The following SPRED1 variants were observed in gnomAD, a reference collection of about 807,000 sequenced individuals.
SPRED1 encodes sprouty related EVH1 domain containing 1, also known as sprouty-related, EVH1 domain-containing protein 1.
Under a neutral mutation model 52.3 loss-of-function variants are expected in SPRED1, and 18 were observed. That is an observed-to-expected ratio of 0.34 (90% CI 0.24 to 0.51). The LOEUF is 0.51. Ranked by LOEUF, SPRED1 falls within the 20% of genes least tolerant of loss-of-function variation. SPRED1 has a pLI of 0.97. For missense variants in SPRED1, 485 were observed against 551.0 expected, an observed-to-expected ratio of 0.88 and a Z score of 1.20; for synonymous variants, 155 against 179.7, an observed-to-expected ratio of 0.86 and a Z score of 1.10.
In SPRED1 at chr15:38,266,685, T is replaced by C. The variant is rs114918270; in HGVS notation, c.32+13468T>C. On this transcript the variant is annotated intron_variant, in intron 1 of 6. Transcript: ENST00000299084. ...AAACAAACAAACAAACAGGATATTC[T>C]TCAACTTTGTATTATCATTTTTAAA... Among the ~76,000 whole-genome samples, 1,483 of 151,126 alleles carry C rather than the reference T, an allele frequency of 9.8e-3. 25 individuals are homozygous for C. Among genetic ancestry groups the C allele is most frequent in the African/African-American group, 0.034 (1,412 of 41,358 alleles).
chr15:38,252,846 AC>A lies in SPRED1; in HGVS notation c.-336del. ...TCCTGGCCGGACCCCGCTGCGCTCC[AC>A]CCCAGTGGCTGGAGGAGCAGCTCTC... On this transcript the variant is annotated 5_prime_UTR_variant, in exon 1 of 7. Transcript: ENST00000299084. 2.5e-6 allele frequency: 1 copy of A among 392,160 alleles called. No homozygotes were observed. Among genetic ancestry groups the A allele is most frequent in the Non-Finnish European group, 4.8e-6 (1 of 209,854 alleles). 24.3% of individuals were successfully genotyped at this position (392,160 alleles called of 1,614,324 possible).
chr15:38,342,823 T>G (rs1222181031), intron 5 of SPRED1, among the ~76,000 whole-genome samples: 1 of 152,142 alleles, frequency 6.6e-6, no homozygotes, highest in Non-Finnish European at 1.5e-5. Flanking sequence ...TTGAACAGAT[T>G]TAGAAATTTT....
intron 2 of SPRED1, among the ~76,000 whole-genome samples, chr15:38,315,759 T>A (rs554559068): frequency 5.5e-4 from 84 of 152,066 alleles, no homozygotes; most frequent in South Asian, 1.0e-3. Context: ...GTCTCCATAC[T>A]CAAAAATCCT....
chr15:38,272,276 G>GTTTTTTTTTTTT lies in SPRED1; in HGVS notation c.32+19069_32+19070insTTTTTTTTTTTT, dbSNP rs1555387949. 2.7e-4 allele frequency among the ~76,000 whole-genome samples: 36 copies of GTTTTTTTTTTTT among 131,466 alleles called. 2 individuals carry two copies. Among genetic ancestry groups the GTTTTTTTTTTTT allele is most frequent in the African/African-American group, 6.9e-4 (25 of 36,406 alleles). The allele number at this position is 131,466 out of a possible 152,430, so 86.2% of individuals were successfully genotyped here. On this transcript the variant is annotated intron_variant, in intron 1 of 6. Transcript: ENST00000299084. ...TGAGATTGTAGGGGTCGAATGCTAG[G>GTTTTTTTTTTTT]TTTTTTTTTTGAGATGAAGTCTTGC...
intron 6 of SPRED1, 28 bp downstream of exon 6, chr15:38,349,551 A>G: frequency 7.0e-7 from 1 of 1,429,532 alleles, no homozygotes; most frequent in Admixed American, 1.8e-5. Flanking sequence ...ATCTTGTGAT[A>G]TGGAATTTAA....
chr15:38,338,547 A>T (rs555786793), intron 4 of SPRED1, among the ~76,000 whole-genome samples: 9 of 152,216 alleles, frequency 5.9e-5, no homozygotes, highest in African/African-American at 1.7e-4. Flanking sequence ...TTGGGTAAAA[A>T]TAGCAGCCAG....
At chr15:38,340,623 C>T (rs1402717778) in intron 5 of SPRED1, among the ~76,000 whole-genome samples, 3 of 151,982 alleles carry the variant, frequency 2.0e-5, no homozygotes, top group African/African-American at 7.3e-5. Flanking sequence ...ACCTCTGCCA[C>T]CTGGGTTCAA....
chr15:38,253,439 G>A (rs1380327310), intron 1 of SPRED1, among the ~76,000 whole-genome samples: 1 of 152,086 alleles, frequency 6.6e-6, no homozygotes, highest in Non-Finnish European at 1.5e-5. Flanking sequence ...ATTAAGTGTT[G>A]GGAGAGGATG....
chr15:38,334,285 A>T (rs911653629), intron 4 of SPRED1, among the ~76,000 whole-genome samples: 1 of 152,070 alleles, frequency 6.6e-6, no homozygotes, highest in Non-Finnish European at 1.5e-5. Flanking sequence ...TATGACTTCA[A>T]GATAGGGTTT....
At chr15:38,284,223 CT>C (rs1215003733) in intron 1 of SPRED1, among the ~76,000 whole-genome samples, 1 of 152,146 alleles carries the variant, frequency 6.6e-6, no homozygotes, top group East Asian at 1.9e-4. Context: ...TGAAAATTTA[CT>C]TTTAGTCAGT....
rs140225135 is a variant in SPRED1 at position 38,351,418 on chromosome 15, A to G, written c.1089A>G (p.Ile363Met). 22 of 1,614,164 alleles carry G rather than the reference A, an allele frequency of 1.4e-5. No individual in the cohort carries two copies. In the East Asian group the frequency reaches 3.6e-4, roughly 26 times the overall value. The change falls in exon 7 of 7, where the codon ATA (isoleucine) becomes ATG (methionine). Residue 363 changes from isoleucine to methionine, a missense_variant. By Grantham distance (10) the Ile-to-Met change is conservative (BLOSUM62 1). Around this residue, in one of 5 missense-constraint regions of SPRED1, gnomAD observed 205 missense variants for 245.2 expected, o/e 0.84. Coordinates refer to ENST00000299084, the MANE Select transcript of SPRED1 (RefSeq NM_152594.3). ...CTCCAGACCCTATTAAAAGATGCAT[A>G]TATCAAGTTAGTTGCATGCTCTGTG... Reference protein sequence around the residue: ...QDAPDPIKRCIYQVSCMLCAE... With the variant: ...QDAPDPIKRCMYQVSCMLCAE...
At chr15:38,350,948 A>C (rs1025445663) in intron 6 of SPRED1, 66 bp from the exon 7 acceptor site, 34 of 1,483,508 alleles carry the variant, frequency 2.3e-5, no homozygotes, top group Non-Finnish European at 3.0e-5. Flanking sequence ...CACTGGCCCC[A>C]CCAAGGTGAC....
intron 1 of SPRED1, among the ~76,000 whole-genome samples, chr15:38,288,643 G>GA (rs1894858249): frequency 6.6e-6 from 1 of 152,118 alleles, no homozygotes; most frequent in South Asian, 2.1e-4. Context: ...TATACTTAAG[G>GA]AGTACAAAAA....
chr15:38,288,016 G>A (rs1176156786), intron 1 of SPRED1, among the ~76,000 whole-genome samples: 1 of 152,098 alleles, frequency 6.6e-6, no homozygotes, highest in Non-Finnish European at 1.5e-5. Context: ...TGAGATATGA[G>A]GTGGTCTTCT....
At chr15:38,262,462 G>C (rs996803942) in intron 1 of SPRED1, among the ~76,000 whole-genome samples, 1 of 152,196 alleles carries the variant, frequency 6.6e-6, no homozygotes, top group Non-Finnish European at 1.5e-5. Context: ...CCATGAATGA[G>C]AGCATGGAAT....
At chr15:38,270,797 T>TA (rs1176663113) in intron 1 of SPRED1, among the ~76,000 whole-genome samples, 1 of 151,914 alleles carries the variant, frequency 6.6e-6, no homozygotes, top group Non-Finnish European at 1.5e-5. Context: ...AATTTTAAAT[T>TA]AAAAAAATGT....
intron 1 of SPRED1, among the ~76,000 whole-genome samples, chr15:38,292,850 C>T (rs1894952946): frequency 3.3e-5 from 5 of 152,198 alleles, no homozygotes; most frequent in Admixed American, 6.5e-5. Context: ...TATACAAGAT[C>T]ATCATAAATA....
chr15:38,348,808 T>G (rs1413073094), intron 5 of SPRED1, among the ~76,000 whole-genome samples: 1 of 152,130 alleles, frequency 6.6e-6, no homozygotes. Flanking sequence ...CATTGATATA[T>G]TCTAGCTATA....
At chr15:38,348,151 GA>G (rs565782092) in intron 5 of SPRED1, among the ~76,000 whole-genome samples, 2 of 151,696 alleles carry the variant, frequency 1.3e-5, no homozygotes, top group Middle Eastern at 3.4e-3. Context: ...GTTCTATCAG[GA>G]AAAAAAATTG....
Sources: gnomAD v4.1 joint callset for allele counts (sites outside exome capture counted in the v4.1 genomes callset) on GRCh38, gnomAD v4.1.1 for gene constraint, gnomAD v4.1.1 regional missense constraint, MANE v1.5 for transcripts, NCBI Gene and HGNC (gene_info 2026-07-23, HGNC 2026-07-21) for gene names.